TMTC2: variants seen among roughly 807,000 people sequenced by gnomAD.
TMTC2 encodes the protein transmembrane O-mannosyltransferase targeting cadherins 2, also known as protein O-mannosyl-transferase TMTC2.
A neutral mutation model predicts 82.4 loss-of-function variants in TMTC2; 43 were observed. That is an observed-to-expected ratio of 0.52 (90% CI 0.41 to 0.67). The LOEUF (loss-of-function observed/expected upper bound fraction) is 0.67. Ranked by LOEUF, TMTC2 falls within the 30% of genes least tolerant of loss-of-function variation. The probability of loss-of-function intolerance (pLI) is 0.00; values close to 1 mark genes in which losing one functional copy is unlikely to be tolerated. For synonymous variants in TMTC2, 408 were observed against 381.9 expected (o/e 1.07, Z -0.80); for missense variants, 919 against 1,012.4 (o/e 0.91, Z 1.25).
At position 82,857,094 on chromosome 12, in the gene TMTC2, A is replaced by C; in HGVS notation, c.168A>C (p.Leu56=). The stretch of plus-strand genomic sequence containing the variant: ...ACAATGATTTTTGGGGGACTCTTCT[A>C]ACCCACAGTGGCAGCCACAAGTCCT... ...IFYNDFWGTL[L]THSGSHKSYR... Residue 56 remains leucine, a synonymous_variant, in exon 2 of 12, where the codon CTA becomes CTC. Transcript: ENST00000321196. 1 of 1,613,946 alleles carries C rather than the reference A, an allele frequency of 6.2e-7. No individual in the cohort carries two copies. The highest frequency in any genetic ancestry group is 2.2e-5 in the East Asian group (1 of 44,886).
intron 3 of TMTC2, among the ~76,000 whole-genome samples, chr12:82,916,750 T>TG: frequency 6.6e-6 from 1 of 151,642 alleles, no homozygotes; most frequent in Non-Finnish European, 1.5e-5. Context: ...TACTAAATTT[T>TG]ATGTTTACAT....
chr12:82,892,717 A>G (rs1873458651), intron 2 of TMTC2, among the ~76,000 whole-genome samples: 1 of 152,166 alleles, frequency 6.6e-6, no homozygotes, highest in African/African-American at 2.4e-5. Context: ...ATCCCCGATC[A>G]CTTCCACCAC....
chr12:82,753,129 T>TA (rs1403764549), intron 1 of TMTC2, among the ~76,000 whole-genome samples: 2 of 152,160 alleles, frequency 1.3e-5, no homozygotes, highest in Non-Finnish European at 2.9e-5. Context: ...TTCAGGCAGA[T>TA]ACCAGATATA....
chr12:82,748,705 A>T (rs748747846), intron 1 of TMTC2, among the ~76,000 whole-genome samples: 1 of 152,136 alleles, frequency 6.6e-6, no homozygotes, highest in Non-Finnish European at 1.5e-5. Context: ...GTGAAACCCC[A>T]TCTCTACTAA....
intron 10 of TMTC2, among the ~76,000 whole-genome samples, chr12:83,057,826 T>G (rs1882601281): frequency 6.6e-6 from 1 of 151,906 alleles, no homozygotes; most frequent in Non-Finnish European, 1.5e-5. Flanking sequence ...TAATTCAAAT[T>G]GACAATTCAC....
intron 1 of TMTC2, among the ~76,000 whole-genome samples, chr12:82,728,520 A>G (rs1377680823): frequency 2.0e-5 from 3 of 152,152 alleles, no homozygotes; most frequent in Non-Finnish European, 4.4e-5. Context: ...CAGGAGTTCC[A>G]GACCAGCCGG....
At chr12:82,890,372 G>A (rs762138145) in intron 2 of TMTC2, among the ~76,000 whole-genome samples, 13 of 151,782 alleles carry the variant, frequency 8.6e-5, no homozygotes, top group Non-Finnish European at 1.5e-4. Flanking sequence ...TTTTAACCTT[G>A]GGTTCTAACC....
At chr12:82,741,468 G>A (rs530234849) in intron 1 of TMTC2, among the ~76,000 whole-genome samples, 3 of 152,134 alleles carry the variant, frequency 2.0e-5, no homozygotes, top group African/African-American at 4.8e-5. Context: ...GCGCCACCAC[G>A]CCTGGCTAAG....
At chr12:82,881,054 G>GA (rs1199358857) in intron 2 of TMTC2, among the ~76,000 whole-genome samples, 1 of 151,884 alleles carries the variant, frequency 6.6e-6, no homozygotes, top group African/African-American at 2.4e-5. Flanking sequence ...ACATCTTAAT[G>GA]AAAAAAATAC....
chr12:82,719,382 G>C (rs1054275658), intron 1 of TMTC2, among the ~76,000 whole-genome samples: 2 of 151,932 alleles, frequency 1.3e-5, no homozygotes, highest in Non-Finnish European at 2.9e-5. Context: ...ATAAGCCACC[G>C]TGCCCAGCCT....
At chr12:82,944,746 G>A (rs2137268161) in intron 4 of TMTC2, among the ~76,000 whole-genome samples, 1 of 152,038 alleles carries the variant, frequency 6.6e-6, no homozygotes, top group East Asian at 1.9e-4. Flanking sequence ...GGACTTTTTT[G>A]TGTCCCCATG....
intron 8 of TMTC2, among the ~76,000 whole-genome samples, chr12:83,025,952 A>G (rs968622985): frequency 5.3e-5 from 8 of 152,202 alleles, no homozygotes; most frequent in Non-Finnish European, 1.0e-4. Context: ...GGGTATAGAC[A>G]TGTTCTTATT....
rs1216456856 is a variant in TMTC2, at chr12:83,025,172, A to T, written c.2071-5626A>T. ...GCACTACTGCACTCCAGCCTGGGTG[A>T]CAGAGTGAAGCTCTTGGAACTCTGT... On this transcript the variant is annotated intron_variant, in intron 8 of 11. Coordinates refer to ENST00000321196, the MANE Select transcript of TMTC2 (RefSeq NM_152588.3). Among the ~76,000 whole-genome samples, 3 of 150,298 alleles carry T rather than the reference A, an allele frequency of 2.0e-5. No homozygotes were observed. In the East Asian group the frequency reaches 6.0e-4, roughly 30 times the overall value.
intron 7 of TMTC2, among the ~76,000 whole-genome samples, chr12:82,983,492 A>T (rs1050937648): frequency 1.3e-5 from 2 of 152,084 alleles, no homozygotes; most frequent in Non-Finnish European, 2.9e-5. Flanking sequence ...TGACTTGGAA[A>T]AAAAAGCAAG....
At chr12:82,910,420 G>C (rs370337842) in intron 3 of TMTC2, among the ~76,000 whole-genome samples, 3 of 152,122 alleles carry the variant, frequency 2.0e-5, no homozygotes, top group Middle Eastern at 3.2e-3. Flanking sequence ...GTGCCTAGGG[G>C]GTGAATGTTT....
chr12:82,687,421 A>C lies in TMTC2; in HGVS notation c.-166A>C. 1.6e-6 allele frequency: 1 copy of C among 628,572 alleles called. No individual in the cohort carries two copies. The highest frequency in any genetic ancestry group is 1.9e-5 in the South Asian group (1 of 53,828). 38.9% of individuals were successfully genotyped at this position (628,572 alleles called of 1,614,324 possible). The stretch of plus-strand genomic sequence containing the variant: ...TGCGGAGACGGGCGCGAGGAGGAGG[A>C]GAGGAGTCGTGGATTGGAAGGACCC... On this transcript the variant is annotated 5_prime_UTR_variant, in exon 1 of 12. Coordinates refer to ENST00000321196, the MANE Select transcript of TMTC2 (RefSeq NM_152588.3).
At chr12:82,997,364 A>ATG (rs1281409243) in intron 8 of TMTC2, among the ~76,000 whole-genome samples, 3 of 28,936 alleles carry the variant, frequency 1.0e-4, no homozygotes, top group African/African-American at 2.4e-4. Context: ...ATATATATAT[A>ATG]TGTGTATATA....
intron 1 of TMTC2, among the ~76,000 whole-genome samples, chr12:82,764,820 T>G (rs1467254199): frequency 7.3e-6 from 1 of 136,442 alleles, no homozygotes; most frequent in Non-Finnish European, 1.5e-5. Flanking sequence ...TTCATGCCTT[T>G]GGCTCAGTGA....
In TMTC2 at chr12:82,726,369, A is replaced by T. The variant is rs2136932970; in HGVS notation, c.83+38700A>T. Reference sequence around the variant, plus strand: ...AGCATACCTACCAGATGATAATGAGATGGTAATGACACTTGTGGTTCTTTT... The same window carrying T: ...AGCATACCTACCAGATGATAATGAGTTGGTAATGACACTTGTGGTTCTTTT... On this transcript the variant is annotated intron_variant, in intron 1 of 11. Coordinates refer to ENST00000321196, the MANE Select transcript of TMTC2 (RefSeq NM_152588.3). 2.0e-5 allele frequency among the ~76,000 whole-genome samples: 3 copies of T among 152,256 alleles called. 1 individual carries two copies. The highest frequency in any genetic ancestry group is 2.0e-4 in the Admixed American group (3 of 15,302).
Sources: allele counts gnomAD v4.1 joint callset (sites outside exome capture counted in the v4.1 genomes callset), GRCh38; gene constraint gnomAD v4.1.1; transcripts MANE v1.5; gene names NCBI Gene and HGNC (gene_info 2026-07-23, HGNC 2026-07-21).